SMG5: variants seen among roughly 807,000 people sequenced by gnomAD.
SMG5 encodes SMG5 nonsense mediated mRNA decay factor, also known as nonsense-mediated mRNA decay factor SMG5.
A neutral mutation model predicts 122.9 loss-of-function variants in SMG5; 53 were observed. The ratio of observed to expected loss-of-function variants is 0.43; its 90% CI spans 0.35 to 0.54. The LOEUF is 0.54. Ranked by LOEUF, SMG5 falls within the 20% of genes least tolerant of loss-of-function variation. The pLI, the probability that SMG5 is intolerant of heterozygous loss-of-function variation, is 0.01. For synonymous variants in SMG5, 477 were observed against 490.2 expected (o/e 0.97, Z 0.35); for missense variants, 1,153 against 1,285.6 (o/e 0.90, Z 1.58).
chr1:156,288,155 GC>G, the SMG5 span, among the ~76,000 whole-genome samples: 1 of 146,604 alleles, frequency 6.8e-6, no homozygotes, highest in African/African-American at 2.5e-5. Flanking sequence ...CCGAGATAGC[GC>G]CACTGCAGTC....
rs778871286 is a variant in SMG5, at chr1:156,265,897, C to T, written c.1739G>A (p.Cys580Tyr). 3 of 1,614,172 alleles carry T rather than the reference C, an allele frequency of 1.9e-6. No homozygotes were observed. The highest frequency in any genetic ancestry group is 1.7e-6 in the Non-Finnish European group (2 of 1,180,036). ...MSTQMFQTKR[C>Y]FRLAPTFSNL... ...GCTAAAGGTGGGGGCCAGTCGGAAG[C>T]AGCGCTTAGTCTGGAACATCTGGGT... The change falls in exon 12 of 22, where the codon TGC becomes TAC. Residue 580 changes from cysteine to tyrosine, a missense_variant. Cys to Tyr is a radical substitution (Grantham distance 194). Transcript: ENST00000361813.
chr1:156,253,025 G>A lies in SMG5; in HGVS notation c.2556C>T (p.Ala852=). ...TGTCAGGGACGAGGTAGGGAGACATGGCTGACTGGGCCTTGGGCTGCTGCA... is the reference window on the plus strand; with the variant it reads ...TGTCAGGGACGAGGTAGGGAGACATAGCTGACTGGGCCTTGGGCTGCTGCA... ...GSLQQPKAQS[A]MSPYLVPDTQ... Residue 852 remains alanine (A), a synonymous_variant, in exon 18 of 22, where the codon GCC becomes GCT. Transcript: ENST00000361813. 1 of 1,612,962 alleles carries A rather than the reference G, an allele frequency of 6.2e-7. No homozygotes were observed.
In SMG5 at chr1:156,253,493, G is replaced by A. The variant is rs1419205827; in HGVS notation, c.2458C>T (p.Arg820Cys). Residue 820 changes from arginine to cysteine, a missense_variant, in exon 17 of 22, where the codon CGT (arginine) becomes TGT (cysteine). By Grantham distance (180) the Arg-to-Cys change is radical. Around this residue, in one of 5 missense-constraint regions of SMG5, gnomAD observed 140 missense variants for 227.8 expected, o/e 0.61. Coordinates refer to ENST00000361813, the MANE Select transcript of SMG5 (RefSeq NM_015327.3). Reference sequence around the variant, plus strand: ...ATGTCTCTCATGAGCCTGTTCCGACGAGCTTCCTCCTGTGCCTATGAGGGA... The same window carrying A: ...ATGTCTCTCATGAGCCTGTTCCGACAAGCTTCCTCCTGTGCCTATGAGGGA... Reference protein sequence around the residue: ...AQFRMAQEEARRNRLMRDMAQ... With the variant: ...AQFRMAQEEACRNRLMRDMAQ... The A allele has an allele frequency of 2.5e-6, 4 of 1,613,992 alleles. No homozygotes were observed. Among genetic ancestry groups the A allele is most frequent in the Non-Finnish European group, 3.4e-6 (4 of 1,179,978 alleles).
At chr1:156,284,948 T>C, upstream of SMG5, among the ~76,000 whole-genome samples, 1 of 152,110 alleles carries the variant, frequency 6.6e-6, no homozygotes, top group East Asian at 1.9e-4. Flanking sequence ...GTCCCTTGAC[T>C]CACCCTCTCC....
chr1:156,262,011 T>G (rs1380771132), intron 13 of SMG5, among the ~76,000 whole-genome samples: 1 of 151,548 alleles, frequency 6.6e-6, no homozygotes, highest in Non-Finnish European at 1.5e-5. Flanking sequence ...GCAGTGGAGC[T>G]GAGGTATGCC....
At chr1:156,283,941 G>A (rs535984535), upstream of SMG5, among the ~76,000 whole-genome samples, 1 of 152,344 alleles carries the variant, frequency 6.6e-6, no homozygotes, top group East Asian at 1.9e-4. Flanking sequence ...CAAGGGCAGA[G>A]ACCTCAACTG....
In SMG5 at chr1:156,250,129, C is replaced by T. The variant is rs112611116; in HGVS notation, c.*458G>A. On this transcript the variant is annotated 3_prime_UTR_variant, in exon 22 of 22. Coordinates refer to ENST00000361813, the MANE Select transcript of SMG5 (RefSeq NM_015327.3). Reference sequence around the variant, plus strand: ...GAGGGGAAGGGTCTGCAGAGAATCACTCAGACACCAGGTATTACCCAGCTC... The same window carrying T: ...GAGGGGAAGGGTCTGCAGAGAATCATTCAGACACCAGGTATTACCCAGCTC... 6.3e-4 allele frequency: 229 copies of T among 361,080 alleles called. 1 individual carries two copies. The highest frequency in any genetic ancestry group is 4.5e-3 in the African/African-American group (213 of 46,902). 22.4% of individuals were successfully genotyped at this position (361,080 alleles called of 1,614,324 possible). A position where few individuals can be genotyped will look rare whatever the true frequency, so the allele number is the denominator to read the frequency against.
chr1:156,291,130 A>G, the SMG5 span: 1 of 491,098 alleles, frequency 2.0e-6, no homozygotes, highest in African/African-American at 1.9e-5. Flanking sequence ...AATAAATCGA[A>G]AAGTAAATAA....
rs1662096927 is a variant in SMG5, at chr1:156,265,796, T to G, written c.1840A>C (p.Lys614Gln). Residue 614 changes from lysine to glutamine, a missense_variant, in exon 12 of 22, where the codon AAG becomes CAG. Lys to Gln is a moderately conservative substitution (Grantham distance 53, BLOSUM62 1). Coordinates refer to ENST00000361813, the MANE Select transcript of SMG5 (RefSeq NM_015327.3). ...GTCCAAATACCTGGCTCTGAAGGCT[T>G]GTCTACATCCCCATTGACGCAAGGC... is the stretch of plus-strand genomic sequence containing the variant. ...HRPCVNGDVDKPSEPASEEGS... is the reference protein window; with the variant it reads ...HRPCVNGDVDQPSEPASEEGS... 2.5e-6 allele frequency: 4 copies of G among 1,613,646 alleles called. No individual in the cohort carries two copies. In the South Asian group the frequency reaches 3.3e-5, roughly 13 times the overall value.
chr1:156,258,806 A>C (rs1208013692), intron 16 of SMG5, among the ~76,000 whole-genome samples, 199 bp downstream of exon 16: 11 of 151,702 alleles, frequency 7.3e-5, no homozygotes, highest in Non-Finnish European at 7.4e-5. Flanking sequence ...AAAAAAAAAA[A>C]AAACCCCTCT....
At chr1:156,253,709 C>T in intron 16 of SMG5, 1 of 609,676 alleles carries the variant, frequency 1.6e-6, no homozygotes, top group Non-Finnish European at 3.0e-6. Context: ...CATTACCAAC[C>T]CGATGCAGGT....
chr1:156,267,807 G>A (rs748759193), intron 9 of SMG5, 129 bp from the exon 10 acceptor site: 2 of 820,198 alleles, frequency 2.4e-6, no homozygotes, highest in Non-Finnish European at 3.9e-6. Context: ...CACCAGGGAA[G>A]GGTAGTGCTG....
intron 7 of SMG5, among the ~76,000 whole-genome samples, chr1:156,270,347 A>C (rs1662351700): frequency 6.6e-6 from 1 of 152,200 alleles, no homozygotes; most frequent in Non-Finnish European, 1.5e-5. Context: ...GCCACTACAT[A>C]AGAAGTTCTT....
rs1572571281 is a variant in SMG5 at position 156,252,859 on chromosome 1, T to C, written c.2662+60A>G. ...CTGGGCCCCAAATAAGGTCTCTTAA[T>C]CCCAAGCCCAGAATCTCTTTTAGTC... On this transcript the variant is annotated intron_variant, in intron 18 of 21. Transcript: ENST00000361813. 3 of 1,456,752 alleles carry C rather than the reference T, an allele frequency of 2.1e-6. No individual in the cohort carries two copies. The East Asian group carries it at 7.4e-5, about 36-fold the overall frequency. The allele number at this position is 1,456,752 out of a possible 1,614,324, so 90.2% of individuals were successfully genotyped here.
chr1:156,289,289 A>G, the SMG5 span, among the ~76,000 whole-genome samples: 1 of 152,122 alleles, frequency 6.6e-6, no homozygotes, highest in South Asian at 2.1e-4. Flanking sequence ...CCTGGCTAAC[A>G]CGGTAAAACC....
chr1:156,264,699 AG>A (rs1437419533), intron 12 of SMG5, among the ~76,000 whole-genome samples: 11 of 152,258 alleles, frequency 7.2e-5, no homozygotes, highest in Admixed American at 1.3e-4. Context: ...AGGGAGGAAA[AG>A]CACTTGCCAG....
chr1:156,266,386 G>C lies in SMG5; in HGVS notation c.1256-6C>G, dbSNP rs147875988. The C allele has an allele frequency of 3.1e-6, 5 of 1,609,038 alleles. No individual in the cohort carries two copies. In the East Asian group the frequency reaches 6.7e-5, roughly 22 times the overall value. On this transcript the variant is annotated splice_region_variant and splice_polypyrimidine_tract_variant and intron_variant, in intron 11 of 21. Transcript: ENST00000361813. ...TTCCTTGGACTCTGGTTCATCTGCG[G>C]AAAGAGGAAGGTCAGGTGGAGCCCG...
intron 2 of SMG5, 74 bp from the exon 3 acceptor site, chr1:156,278,122 G>C (rs956385140): frequency 4.5e-6 from 7 of 1,563,764 alleles, no homozygotes; most frequent in Middle Eastern, 3.7e-4. Context: ...AGGGCAAGGA[G>C]TCATGTGCCA....
upstream of SMG5, chr1:156,285,954 G>A (rs752313348): frequency 1.9e-6 from 3 of 1,610,556 alleles, no homozygotes; most frequent in Admixed American, 1.7e-5. Context: ...CTGCGCTGCG[G>A]GGTCTTTGCC....
Sources: gnomAD v4.1 joint callset for allele counts (sites outside exome capture counted in the v4.1 genomes callset) on GRCh38, gnomAD v4.1.1 for gene constraint, gnomAD v4.1.1 regional missense constraint, MANE v1.5 for transcripts, NCBI Gene and HGNC (gene_info 2026-07-23, HGNC 2026-07-21) for gene names.